SSH2: variants seen among roughly 807,000 people sequenced by gnomAD.
The protein encoded by SSH2 is protein phosphatase Slingshot homolog 2.
In SSH2, 37 loss-of-function variants were observed where a neutral mutation model predicts 135.2. That is an observed-to-expected ratio of 0.27 (90% CI 0.21 to 0.36). The LOEUF is 0.36. Among genes scored for constraint, SSH2 ranks in the 10% least tolerant of loss-of-function variants. The probability of loss-of-function intolerance (pLI) is 1.00; values close to 1 mark genes in which losing one functional copy is unlikely to be tolerated. For missense variants in SSH2, 1,408 were observed against 1,765.3 expected (o/e 0.80, Z 3.63); for synonymous variants, 628 against 646.2 (o/e 0.97, Z 0.43).
At chr17:29,751,842 AAG>A (rs2040955670) in intron 3 of SSH2, among the ~76,000 whole-genome samples, 1 of 152,212 alleles carries the variant, frequency 6.6e-6, no homozygotes, top group South Asian at 2.1e-4. Flanking sequence ...AGAACCAAGT[AAG>A]AGTTTTAGCA....
chr17:29,658,926 CTT>C (rs2036907276), intron 11 of SSH2, among the ~76,000 whole-genome samples: 1 of 149,500 alleles, frequency 6.7e-6, no homozygotes. Flanking sequence ...ACTCCTATCT[CTT>C]TAATTCCTAT....
intron 3 of SSH2, among the ~76,000 whole-genome samples, chr17:29,783,318 T>TTTTA (rs1555633080): frequency 2.8e-5 from 4 of 142,126 alleles, no homozygotes; most frequent in Admixed American, 7.2e-5. Context: ...ATAACATATA[T>TTTTA]TATATATATA....
intron 2 of SSH2, among the ~76,000 whole-genome samples, chr17:29,802,687 A>G (rs1262902830): frequency 6.6e-6 from 1 of 152,096 alleles, no homozygotes; most frequent in Non-Finnish European, 1.5e-5. Context: ...AAGAACAGGC[A>G]AAAGAGCTGA....
intron 6 of SSH2, among the ~76,000 whole-genome samples, chr17:29,683,940 G>A (rs2038096916): frequency 1.3e-5 from 2 of 152,068 alleles, no homozygotes; most frequent in South Asian, 4.1e-4. Flanking sequence ...AGAGCGAGAC[G>A]CTGTCTCAAA....
intron 3 of SSH2, among the ~76,000 whole-genome samples, chr17:29,785,074 T>G (rs1178188541): frequency 6.6e-6 from 1 of 152,190 alleles, no homozygotes; most frequent in Non-Finnish European, 1.5e-5. Context: ...AGTAATTTTT[T>G]ATGTCCATGA....
intron 3 of SSH2, among the ~76,000 whole-genome samples, chr17:29,729,280 A>T (rs1393146928): frequency 6.6e-6 from 1 of 152,254 alleles, no homozygotes; most frequent in Non-Finnish European, 1.5e-5. Flanking sequence ...AAACAGTTAC[A>T]TGAAAAGGTG....
intron 15 of SSH2, among the ~76,000 whole-genome samples, chr17:29,633,373 T>G (rs2035769857): frequency 6.6e-6 from 1 of 152,158 alleles, no homozygotes; most frequent in African/African-American, 2.4e-5. Context: ...GAGTTCCATT[T>G]AAGGGCTAAG....
At chr17:29,808,745 T>A (rs1480349778) in intron 2 of SSH2, among the ~76,000 whole-genome samples, 1 of 152,104 alleles carries the variant, frequency 6.6e-6, no homozygotes, top group Admixed American at 6.5e-5. Context: ...AGACAAAGAC[T>A]CTGATATGTG....
intron 3 of SSH2, among the ~76,000 whole-genome samples, chr17:29,761,884 TATA>T (rs1312107466): frequency 1.8e-4 from 22 of 123,480 alleles, no homozygotes; most frequent in Non-Finnish European, 2.2e-4. Flanking sequence ...TATATATATA[TATA>T]TTTTTTTTTG....
At chr17:29,676,716 A>C in intron 8 of SSH2, 104 bp downstream of exon 8, 2 of 933,116 alleles carry the variant, frequency 2.1e-6, no homozygotes, top group Non-Finnish European at 3.4e-6. Context: ...CAAACAGATC[A>C]TTTAGCATTT....
At position 29,627,574 on chromosome 17, in the gene SSH2, C is replaced by A. The variant is rs1362349245; in HGVS notation, c.*3267G>T. The A allele has an allele frequency of 6.6e-6, 1 of 152,500 alleles. No individual in the cohort carries two copies. The highest frequency in any genetic ancestry group is 1.5e-5 in the Non-Finnish European group (1 of 68,022). The allele number at this position is 152,500 out of a possible 1,614,324, so 9.4% of individuals were successfully genotyped here. On this transcript the variant is annotated 3_prime_UTR_variant, in exon 16 of 16. Transcript: ENST00000540801. ...GACACAGAACAAGGAAATCCATAAC[C>A]CTGTCTCAAGCCTCCTCAGAACCAG...
At position 29,929,977 on chromosome 17, in the gene SSH2, C is replaced by T. The variant is rs777816061; in HGVS notation, c.24G>A (p.Arg8=). MALVTVQ[R]SPTPSTTSSP... ...TGGAGGTGGTGCTGGGGGTAGGTGA[C>T]CGCTGGACCGTGACCAAAGCCATCT... is the stretch of plus-strand genomic sequence containing the variant. The change falls in exon 1 of 16, where the codon CGG becomes CGA. Residue 8 remains arginine, a synonymous_variant. Coordinates refer to ENST00000540801, the MANE Select transcript of SSH2 (RefSeq NM_001282129.2). 2.7e-5 allele frequency: 44 copies of T among 1,603,662 alleles called. No homozygotes were observed. In the South Asian group the frequency reaches 4.7e-4, roughly 17 times the overall value.
intron 11 of SSH2, among the ~76,000 whole-genome samples, chr17:29,664,483 T>A (rs939375750): frequency 6.6e-6 from 1 of 152,146 alleles, no homozygotes; most frequent in African/African-American, 2.4e-5. Flanking sequence ...CTAAAATTTT[T>A]AAAAATGAAC....
intron 4 of SSH2, among the ~76,000 whole-genome samples, chr17:29,701,657 G>A (rs915685952): frequency 2.6e-5 from 4 of 151,594 alleles, no homozygotes; most frequent in Admixed American, 1.3e-4. Context: ...TGTAACCTTC[G>A]CTTCCCAGGT....
chr17:29,708,017 CTCT>C (rs1567901916), intron 3 of SSH2, among the ~76,000 whole-genome samples: 1 of 152,038 alleles, frequency 6.6e-6, no homozygotes. Flanking sequence ...TTACAAAAAT[CTCT>C]TATCATAACA....
intron 3 of SSH2, among the ~76,000 whole-genome samples, chr17:29,722,322 A>T (rs1200724025): frequency 6.6e-6 from 1 of 152,068 alleles, no homozygotes; most frequent in Non-Finnish European, 1.5e-5. Context: ...CAGTTTCTAA[A>T]TATTAAAAAA....
intron 1 of SSH2, among the ~76,000 whole-genome samples, chr17:29,915,304 G>A (rs997862916): frequency 6.6e-6 from 1 of 152,126 alleles, no homozygotes; most frequent in African/African-American, 2.4e-5. Flanking sequence ...CAGTTGCTTT[G>A]GAAATGCATC....
intron 6 of SSH2, among the ~76,000 whole-genome samples, chr17:29,682,566 GGAGTT>G (rs1311844885): frequency 6.6e-6 from 1 of 152,092 alleles, no homozygotes; most frequent in East Asian, 1.9e-4. Flanking sequence ...CAGGAGCTCA[GGAGTT>G]GAGACCAGCC....
At chr17:29,648,401 A>G in intron 13 of SSH2, 57 bp from the exon 14 acceptor site, 1 of 1,436,160 alleles carries the variant, frequency 7.0e-7, no homozygotes, top group East Asian at 2.4e-5. Context: ...GGGATATTTT[A>G]AAAGTTGGTT....
Sources: gnomAD v4.1 joint callset for allele counts (sites outside exome capture counted in the v4.1 genomes callset) on GRCh38, gnomAD v4.1.1 for gene constraint, MANE v1.5 for transcripts, NCBI Gene and HGNC (gene_info 2026-07-23, HGNC 2026-07-21) for gene names.